The following SORCS1 variants were observed in gnomAD, a reference collection of about 807,000 sequenced individuals.
SORCS1 encodes VPS10 domain-containing receptor SorCS1.
In SORCS1, 60 loss-of-function variants were observed where a neutral mutation model predicts 146.1. That is an observed-to-expected ratio of 0.41 (90% CI 0.33 to 0.51). SORCS1 has a LOEUF of 0.51. Ranked by LOEUF, SORCS1 falls within the 20% of genes least tolerant of loss-of-function variation. The probability of loss-of-function intolerance (pLI) is 0.21; values close to 1 mark genes in which losing one functional copy is unlikely to be tolerated. For missense variants in SORCS1, 1,352 were observed against 1,487.6 expected (o/e 0.91, Z 1.50); for synonymous variants, 637 against 584.0 (o/e 1.09, Z -1.31).
At chr10:107,129,573 C>A (rs1273365351) in intron 1 of SORCS1, among the ~76,000 whole-genome samples, 1 of 152,222 alleles carries the variant, frequency 6.6e-6, no homozygotes, top group Non-Finnish European at 1.5e-5. Flanking sequence ...AAATATTTCA[C>A]ACGAGCATAA....
chr10:106,596,520 G>A (rs1589436569), intron 24 of SORCS1, among the ~76,000 whole-genome samples: 1 of 152,160 alleles, frequency 6.6e-6, no homozygotes. Flanking sequence ...CATAAGCTTA[G>A]AAGGAGGATC....
chr10:106,829,661 A>G lies in SORCS1; in HGVS notation c.639T>C (p.Tyr213=), dbSNP rs1948454926. Residue 213 remains tyrosine, a synonymous_variant, in exon 3 of 26, where the codon TAT becomes TAC. Transcript: ENST00000263054. ...CATTCAGCTTCTCATAGGTTGTTCC[A>G]TAATCGGTTGACCTATAATCCAAAA... ...TESSLWRSTD[Y]GTTYEKLNDK... is the part of the protein sequence containing the mutation. The G allele has an allele frequency of 1.2e-6, 2 of 1,605,256 alleles. No individual in the cohort carries two copies. Among genetic ancestry groups the G allele is most frequent in the Non-Finnish European group, 1.7e-6 (2 of 1,172,904 alleles).
intron 18 of SORCS1, among the ~76,000 whole-genome samples, chr10:106,643,243 G>A (rs1050138534): frequency 1.4e-4 from 21 of 152,160 alleles, no homozygotes; most frequent in African/African-American, 4.3e-4. Context: ...TAAGATCTAC[G>A]TGAGATAATT....
At chr10:106,776,300 C>G (rs1307215205) in intron 4 of SORCS1, among the ~76,000 whole-genome samples, 1 of 152,170 alleles carries the variant, frequency 6.6e-6, no homozygotes, top group African/African-American at 2.4e-5. Flanking sequence ...TGCTTCTCCA[C>G]CATGTCTTAC....
chr10:106,834,682 A>G (rs776099085), intron 2 of SORCS1, among the ~76,000 whole-genome samples: 7 of 152,248 alleles, frequency 4.6e-5, no homozygotes, highest in Non-Finnish European at 8.8e-5. Context: ...TAGAAAAACA[A>G]AAAACAAAAA....
chr10:106,793,724 ATTCCAAGCATACT>A (rs1946419863), intron 3 of SORCS1, among the ~76,000 whole-genome samples: 1 of 152,246 alleles, frequency 6.6e-6, no homozygotes, highest in Admixed American at 6.5e-5. Context: ...GTCCACCAGG[ATTCCAAGCATACT>A]TTATAGCTAT....
intron 3 of SORCS1, among the ~76,000 whole-genome samples, chr10:106,778,969 G>C (rs945206663): frequency 3.9e-5 from 6 of 152,116 alleles, no homozygotes; most frequent in African/African-American, 1.4e-4. Context: ...AAGTATTTTT[G>C]ATACCCATTT....
chr10:107,112,363 A>G (rs1965755650), intron 1 of SORCS1, among the ~76,000 whole-genome samples: 1 of 152,106 alleles, frequency 6.6e-6, no homozygotes, highest in Non-Finnish European at 1.5e-5. Context: ...ATGGTAAGGT[A>G]ACCAGAAAGG....
chr10:106,594,993 A>G (rs943702084), intron 24 of SORCS1, among the ~76,000 whole-genome samples: 28 of 152,182 alleles, frequency 1.8e-4, no homozygotes, highest in Admixed American at 9.2e-4. Context: ...TGGCTTGGCT[A>G]TTAGGATGAC....
At chr10:106,649,617 C>T (rs1849712224) in intron 18 of SORCS1, among the ~76,000 whole-genome samples, 1 of 152,058 alleles carries the variant, frequency 6.6e-6, no homozygotes, top group Non-Finnish European at 1.5e-5. Flanking sequence ...TTTGCTGATT[C>T]TGTTAAATCT....
At chr10:106,827,026 T>A (rs1211974195) in intron 3 of SORCS1, among the ~76,000 whole-genome samples, 1 of 151,818 alleles carries the variant, frequency 6.6e-6, no homozygotes, top group Non-Finnish European at 1.5e-5. Flanking sequence ...GTGGATTTGA[T>A]GGTTAGGCTC....
intron 1 of SORCS1, among the ~76,000 whole-genome samples, chr10:107,005,149 C>T (rs1395763986): frequency 2.6e-5 from 4 of 152,110 alleles, no homozygotes; most frequent in African/African-American, 9.7e-5. Flanking sequence ...CCCATCACGG[C>T]ATTATTTATA....
At chr10:107,133,713 G>A in intron 1 of SORCS1, among the ~76,000 whole-genome samples, 1 of 152,162 alleles carries the variant, frequency 6.6e-6, no homozygotes, top group East Asian at 1.9e-4. Flanking sequence ...CTTGGTGCAT[G>A]TATGTAACTG....
intron 22 of SORCS1, 73 bp from the exon 23 acceptor site, chr10:106,607,370 G>A: frequency 6.4e-7 from 1 of 1,571,720 alleles, no homozygotes; most frequent in Non-Finnish European, 8.6e-7. Context: ...GTATTTGGTG[G>A]GGGGATCAGG....
chr10:106,605,409 C>T (rs1846507860), intron 23 of SORCS1, among the ~76,000 whole-genome samples: 1 of 152,090 alleles, frequency 6.6e-6, no homozygotes, highest in Non-Finnish European at 1.5e-5. Flanking sequence ...TAAAAGTGCA[C>T]AGATGATGTG....
At chr10:107,070,507 G>A (rs925060597) in intron 1 of SORCS1, among the ~76,000 whole-genome samples, 2 of 152,122 alleles carry the variant, frequency 1.3e-5, no homozygotes, top group African/African-American at 2.4e-5. Context: ...TAAGTGTCAC[G>A]CACTTATCCT....
rs869163147 is a variant in SORCS1 at position 106,926,828 on chromosome 10, TACACAC to T, written c.626+29679_626+29684del. Among the ~76,000 whole-genome samples, 31 of 29,638 alleles carry T rather than the reference TACACAC, an allele frequency of 1.0e-3. No homozygotes were observed. The South Asian group carries it at 0.015, about 14-fold the overall frequency. 19.4% of individuals were successfully genotyped at this position (29,638 alleles called of 152,430 possible). On this transcript the variant is annotated intron_variant, in intron 2 of 25. Coordinates refer to ENST00000263054, the MANE Select transcript of SORCS1 (RefSeq NM_052918.5). ...CTCCAAAATTTCTAAGGAATATATA[TACACAC>T]ACACACACACACACACACACACACA...
chr10:106,699,933 A>G (rs1854010029), intron 8 of SORCS1, among the ~76,000 whole-genome samples: 1 of 152,190 alleles, frequency 6.6e-6, no homozygotes, highest in Non-Finnish European at 1.5e-5. Flanking sequence ...AATAATTACC[A>G]TGCATATTAA....
intron 1 of SORCS1, among the ~76,000 whole-genome samples, chr10:107,032,368 T>C (rs1203718791): frequency 6.6e-6 from 1 of 152,204 alleles, no homozygotes; most frequent in Admixed American, 6.5e-5. Context: ...ATCCCCGCAG[T>C]GTTCATTGTC....
Sources: allele counts gnomAD v4.1 joint callset (sites outside exome capture counted in the v4.1 genomes callset), GRCh38; gene constraint gnomAD v4.1.1; transcripts MANE v1.5; gene names NCBI Gene and HGNC (gene_info 2026-07-23, HGNC 2026-07-21).